Variants in ISY1 observed in about 807,000 individuals in gnomAD.
ISY1 encodes the protein ISY1 spliceosome associated protein.
Under a neutral mutation model 54.4 loss-of-function variants are expected in ISY1, and 12 were observed. That is an observed-to-expected ratio of 0.22 (90% CI 0.14 to 0.36). The LOEUF (loss-of-function observed/expected upper bound fraction) is 0.36. Among genes scored for constraint, ISY1 ranks in the 10% least tolerant of loss-of-function variants. The pLI, the probability that ISY1 is intolerant of heterozygous loss-of-function variation, is 1.00. For synonymous variants in ISY1, 96 were observed against 117.9 expected (o/e 0.81, Z 1.20); for missense variants, 282 against 342.2 (o/e 0.82, Z 1.39).
At chr3:129,160,340 A>G (rs749676864) in intron 1 of ISY1, among the ~76,000 whole-genome samples, 1 of 152,032 alleles carries the variant, frequency 6.6e-6, no homozygotes, top group Non-Finnish European at 1.5e-5. Context: ...TCATCTTTGT[A>G]CCGGCACTAC....
rs1194062289 is a variant in ISY1 at position 129,145,226 on chromosome 3, T to C, written c.300+535A>G. On this transcript the variant is annotated intron_variant, in intron 6 of 10. Coordinates refer to ENST00000393295, the MANE Select transcript of ISY1 (RefSeq NM_020701.4). ...GCACCCAGTGAAGGACCATAGTCAT[T>C]TTTTTTTTTTTTTTTGAAGACAGAA... is the stretch of plus-strand genomic sequence containing the variant. 3.0e-3 allele frequency among the ~76,000 whole-genome samples: 5 copies of C among 1,660 alleles called. No individual in the cohort carries two copies. The Non-Finnish European group carries it at 0.057, about 19-fold the overall frequency. 1.1% of individuals were successfully genotyped at this position (1,660 alleles called of 152,430 possible). A position where few individuals can be genotyped will look rare whatever the true frequency, so the allele number is the denominator to read the frequency against.
intron 3 of ISY1, among the ~76,000 whole-genome samples, chr3:129,157,687 C>G (rs1397397280): frequency 6.9e-6 from 1 of 145,148 alleles, no homozygotes; most frequent in Non-Finnish European, 1.5e-5. Flanking sequence ...CGCCACTGCA[C>G]TCCAGCCTGA....
chr3:129,141,266 C>G (rs1414106895), intron 6 of ISY1, among the ~76,000 whole-genome samples: 1 of 151,552 alleles, frequency 6.6e-6, no homozygotes, highest in Admixed American at 6.6e-5. Context: ...GTGGCTCACA[C>G]CTGTAATCCC....
At chr3:129,139,712 G>A (rs1245673152) in intron 7 of ISY1, among the ~76,000 whole-genome samples, 1 of 151,604 alleles carries the variant, frequency 6.6e-6, no homozygotes, top group African/African-American at 2.4e-5. Flanking sequence ...GCACGATCTC[G>A]GCTCACCGCA....
In ISY1 at chr3:129,158,057, C is replaced by T. The variant is rs530908404; in HGVS notation, c.78+451G>A. Among the ~76,000 whole-genome samples the T allele has an allele frequency of 1.6e-3, 249 of 151,952 alleles. 1 individual carries two copies. The highest frequency in any genetic ancestry group is 5.7e-3 in the African/African-American group (238 of 41,408). ...TATTTTTAGTAGAGATGGGGTTTCA[C>T]CATGTTAGCCAGGCTGGCCTCAAAC... On this transcript the variant is annotated intron_variant, in intron 3 of 10. Coordinates refer to ENST00000393295, the MANE Select transcript of ISY1 (RefSeq NM_020701.4).
chr3:129,157,564 C>CA (rs905183264), intron 3 of ISY1, among the ~76,000 whole-genome samples: 2 of 151,858 alleles, frequency 1.3e-5, no homozygotes, highest in Admixed American at 6.6e-5. Context: ...ACTAAAAATA[C>CA]AAAAAAATTA....
intron 6 of ISY1, among the ~76,000 whole-genome samples, chr3:129,143,901 C>T (rs1326326474): frequency 2.0e-5 from 3 of 151,972 alleles, no homozygotes; most frequent in Non-Finnish European, 4.4e-5. Context: ...TGTTGTTCTG[C>T]TTCTTTGTAC....
intron 1 of ISY1, among the ~76,000 whole-genome samples, chr3:129,159,464 A>T (rs1461447986): frequency 6.6e-6 from 1 of 152,120 alleles, no homozygotes; most frequent in East Asian, 1.9e-4. Context: ...CACCCAGAAC[A>T]TTATTCTGTG....
chr3:129,139,073 T>C (rs1015188765), intron 7 of ISY1, among the ~76,000 whole-genome samples: 1 of 151,280 alleles, frequency 6.6e-6, no homozygotes, highest in Non-Finnish European at 1.5e-5. Context: ...TAGCTGGGAT[T>C]ACAGGTGCCT....
rs142680344 is a variant in ISY1 at position 129,136,569 on chromosome 3, T to A, written c.419-1615A>T. Among the ~76,000 whole-genome samples, 470 of 151,924 alleles carry A rather than the reference T, an allele frequency of 3.1e-3. 3 individuals carry two copies. The highest frequency in any genetic ancestry group is 0.011 in the African/African-American group (458 of 41,430). ...CTCAGGCTGGAGTGCAATGGCGCAA[T>A]CTCAGCTCACCACAACCTCCGCCTC... On this transcript the variant is annotated intron_variant, in intron 7 of 10. Coordinates refer to ENST00000393295, the MANE Select transcript of ISY1 (RefSeq NM_020701.4).
At chr3:129,160,883 G>A in intron 1 of ISY1, 90 bp downstream of exon 1, 1 of 1,478,748 alleles carries the variant, frequency 6.8e-7, no homozygotes, top group South Asian at 1.2e-5. Context: ...GCACGTCTGA[G>A]CCTCTACCGA....
Position 129,145,778 on chromosome 3 carries a change from C to T in ISY1, c.283G>A (p.Gly95Arg). ...GTACTCACTCCATAATCAGGACCTC[C>T]CAGCTCCTTTATCCGGACCTCCCAG... is the stretch of plus-strand genomic sequence containing the variant. ...GHWEVRIKEL[G>R]GPDYGKVGPK... Residue 95 changes from glycine to arginine, a missense_variant, in exon 6 of 11, where the codon GGA becomes AGA. Coordinates refer to ENST00000393295, the MANE Select transcript of ISY1 (RefSeq NM_020701.4). 1 of 1,614,112 alleles carries T rather than the reference C, an allele frequency of 6.2e-7. No homozygotes were observed.
chr3:129,130,431 G>A, intron 10 of ISY1, 119 bp downstream of exon 10: 1 of 1,307,002 alleles, frequency 7.7e-7, no homozygotes, highest in African/African-American at 1.5e-5. Context: ...GTGTCATGTG[G>A]TCAGGACCCT....
rs191256503 is a variant in ISY1 at position 129,134,704 on chromosome 3, C to T, written c.541+128G>A. 600 of 1,283,772 alleles carry T rather than the reference C, an allele frequency of 4.7e-4. 1 individual carries two copies. Among genetic ancestry groups the T allele is most frequent in the Admixed American group, 1.4e-3 (57 of 39,826 alleles). The allele number at this position is 1,283,772 out of a possible 1,614,324, so 79.5% of individuals were successfully genotyped here. ...GGGTCAGGGAATTAGCAGACCATCACGCCTGAAGATCATTAGCAACAAAGA... is the reference window on the plus strand; with the variant it reads ...GGGTCAGGGAATTAGCAGACCATCATGCCTGAAGATCATTAGCAACAAAGA... On this transcript the variant is annotated intron_variant, in intron 8 of 10. Coordinates refer to ENST00000393295, the MANE Select transcript of ISY1 (RefSeq NM_020701.4).
chr3:129,131,501 C>T (rs1055695115), intron 9 of ISY1, among the ~76,000 whole-genome samples: 2 of 152,202 alleles, frequency 1.3e-5, no homozygotes, highest in Non-Finnish European at 2.9e-5. Flanking sequence ...TAGTGAGCTT[C>T]TGGCGCTGTG....
In ISY1 at chr3:129,145,781, G is replaced by A; in HGVS notation, c.280C>T (p.Leu94=). The part of the protein sequence containing the change: ...KGHWEVRIKE[L]GGPDYGKVGP... The stretch of plus-strand genomic sequence containing the variant: ...CTCACTCCATAATCAGGACCTCCCA[G>A]CTCCTTTATCCGGACCTCCCAGTGT... The change falls in exon 6 of 11, where the codon CTG becomes TTG. Residue 94 remains leucine, a synonymous_variant. Transcript: ENST00000393295. The A allele has an allele frequency of 6.2e-7, 1 of 1,614,060 alleles. No individual in the cohort carries two copies. Among genetic ancestry groups the A allele is most frequent in the Non-Finnish European group, 8.5e-7 (1 of 1,179,972 alleles).
chr3:129,143,858 T>C (rs1050200478), intron 6 of ISY1, among the ~76,000 whole-genome samples: 5 of 152,078 alleles, frequency 3.3e-5, no homozygotes, highest in African/African-American at 1.2e-4. Context: ...CATATTCAAG[T>C]GGCTGCACTT....
chr3:129,139,430 C>T (rs1936539155), intron 7 of ISY1, among the ~76,000 whole-genome samples: 1 of 152,014 alleles, frequency 6.6e-6, no homozygotes, highest in African/African-American at 2.4e-5. Flanking sequence ...GGAGATATAA[C>T]AAAATGCTAA....
chr3:129,148,644 G>A (rs1442738781), intron 5 of ISY1, among the ~76,000 whole-genome samples: 12 of 152,078 alleles, frequency 7.9e-5, no homozygotes, highest in African/African-American at 2.7e-4. Context: ...AGCTCACTGC[G>A]ACCTCTGCCT....
Sources: allele counts gnomAD v4.1 joint callset (sites outside exome capture counted in the v4.1 genomes callset), GRCh38; gene constraint gnomAD v4.1.1; transcripts MANE v1.5; gene names NCBI Gene and HGNC (gene_info 2026-07-23, HGNC 2026-07-21).